Variants in MARCHF6 observed in about 807,000 individuals in gnomAD.
The protein encoded by MARCHF6 is membrane associated ring-CH-type finger 6.
A neutral mutation model predicts 133.7 loss-of-function variants in MARCHF6; 31 were observed. The observed-to-expected ratio is 0.23, with a 90% CI of 0.17 to 0.31. The LOEUF (loss-of-function observed/expected upper bound fraction) is 0.31. Ranked by LOEUF, MARCHF6 falls within the 10% of genes least tolerant of loss-of-function variation. The probability of loss-of-function intolerance (pLI) is 1.00; values close to 1 mark genes in which losing one functional copy is unlikely to be tolerated. For synonymous variants in MARCHF6, 395 were observed against 402.5 expected, an observed-to-expected ratio of 0.98 and a Z score of 0.22; for missense variants, 723 against 1,121.6, an observed-to-expected ratio of 0.64 and a Z score of 5.08.
chr5:10,361,715 G>T (rs900911741), intron 1 of MARCHF6, among the ~76,000 whole-genome samples: 5 of 152,124 alleles, frequency 3.3e-5, no homozygotes, highest in Admixed American at 6.5e-5. Context: ...AGGCTTGGAA[G>T]ACTGAAGCAT....
intron 1 of MARCHF6, among the ~76,000 whole-genome samples, chr5:10,358,031 G>C (rs2578635): frequency 2.9e-4 from 43 of 147,896 alleles, no homozygotes; most frequent in Admixed American, 2.6e-3. Flanking sequence ...GCAGTGGCGC[G>C]ATCTTGGCTC....
chr5:10,377,892 A>G lies in MARCHF6; in HGVS notation c.114A>G (p.Glu38=). The G allele has an allele frequency of 6.3e-7, 1 of 1,596,914 alleles. No homozygotes were observed. Among genetic ancestry groups the G allele is most frequent in the Non-Finnish European group, 8.6e-7 (1 of 1,164,530 alleles). The part of the protein sequence containing the change: ...CTGSIKFIHQ[E]CLVQWLKHSR... Reference sequence around the variant, plus strand: ...GCAGTATTAAGTTTATCCATCAAGAATGGTAAGTCATACTTTTAGAAAGTT... The same window carrying G: ...GCAGTATTAAGTTTATCCATCAAGAGTGGTAAGTCATACTTTTAGAAAGTT... Residue 38 remains glutamate, a splice_region_variant and synonymous_variant, in exon 2 of 26, where the codon GAA becomes GAG. Transcript: ENST00000274140.
At chr5:10,419,180 C>T (rs999232987) in intron 22 of MARCHF6, among the ~76,000 whole-genome samples, 7 of 152,112 alleles carry the variant, frequency 4.6e-5, no homozygotes, top group Admixed American at 1.3e-4. Flanking sequence ...TGGTTGAAAG[C>T]GATACACATT....
chr5:10,360,607 C>T (rs1735765682), intron 1 of MARCHF6, among the ~76,000 whole-genome samples: 1 of 152,148 alleles, frequency 6.6e-6, no homozygotes. Context: ...AAACCAATCC[C>T]CCAGGGTTAC....
intron 24 of MARCHF6, among the ~76,000 whole-genome samples, chr5:10,426,964 T>C (rs1740119184): frequency 6.6e-6 from 1 of 152,258 alleles, no homozygotes; most frequent in East Asian, 1.9e-4. Flanking sequence ...GATTGTGTAG[T>C]GAAGACTCCT....
chr5:10,373,557 C>T (rs1233705543), intron 1 of MARCHF6, among the ~76,000 whole-genome samples: 2 of 152,202 alleles, frequency 1.3e-5, no homozygotes, highest in Admixed American at 6.5e-5. Flanking sequence ...TGTCACTCCA[C>T]CTGTTGTCCT....
At chr5:10,381,063 G>A (rs898196453) in intron 3 of MARCHF6, among the ~76,000 whole-genome samples, 5 of 151,766 alleles carry the variant, frequency 3.3e-5, no homozygotes, top group South Asian at 2.1e-4. Flanking sequence ...TTCTTGTTTT[G>A]GCCTTACTGG....
At chr5:10,426,301 T>G in intron 23 of MARCHF6, 89 bp from the exon 24 acceptor site, 1 of 1,437,578 alleles carries the variant, frequency 7.0e-7, no homozygotes, top group Admixed American at 2.0e-5. Context: ...ATTTTTGGGT[T>G]GGCAGATTCA....
At chr5:10,369,333 C>T (rs780608524) in intron 1 of MARCHF6, among the ~76,000 whole-genome samples, 6 of 152,168 alleles carry the variant, frequency 3.9e-5, no homozygotes, top group Non-Finnish European at 8.8e-5. Flanking sequence ...GGATGAAAAA[C>T]GTGTGCTCAT....
At chr5:10,390,241 C>G in intron 5 of MARCHF6, 91 bp from the exon 6 acceptor site, 10 of 659,216 alleles carry the variant, frequency 1.5e-5, no homozygotes, top group East Asian at 3.5e-5. Context: ...TTTTTTTTTT[C>G]TGAGACTTTA....
At chr5:10,387,724 G>A (rs1434549589) in intron 5 of MARCHF6, among the ~76,000 whole-genome samples, 8 of 152,162 alleles carry the variant, frequency 5.3e-5, no homozygotes, top group African/African-American at 1.9e-4. Context: ...GGGGTAGGGT[G>A]CAGTGGTGTG....
chr5:10,403,321 G>A, intron 14 of MARCHF6, 86 bp from the exon 15 acceptor site: 1 of 1,347,686 alleles, frequency 7.4e-7, no homozygotes, highest in Non-Finnish European at 1.0e-6. Context: ...CATGCATATT[G>A]ATTATTTATT....
intron 22 of MARCHF6, 145 bp downstream of exon 22, chr5:10,417,549 C>T (rs1379597758): frequency 3.1e-6 from 3 of 966,912 alleles, no homozygotes; most frequent in Non-Finnish European, 4.7e-6. Flanking sequence ...AGTTCGAGAC[C>T]AGCCTGGGCA....
intron 21 of MARCHF6, among the ~76,000 whole-genome samples, chr5:10,416,324 G>A (rs868671332): frequency 6.6e-6 from 1 of 151,844 alleles, no homozygotes; most frequent in Non-Finnish European, 1.5e-5. Flanking sequence ...ATTTTTTATC[G>A]ATTTATATTT....
chr5:10,403,563 G>A, intron 15 of MARCHF6, 22 bp downstream of exon 15: 1 of 1,586,512 alleles, frequency 6.3e-7, no homozygotes, highest in Non-Finnish European at 8.6e-7. Flanking sequence ...GGGAAATGCT[G>A]ATGCTGTACA....
In MARCHF6 at chr5:10,381,728, C is replaced by T. The variant is rs555366863; in HGVS notation, c.191-72C>T. 6.9e-5 allele frequency: 82 copies of T among 1,195,676 alleles called. 2 individuals carry two copies. The South Asian group carries it at 1.2e-3, about 18-fold the overall frequency. 74.1% of individuals were successfully genotyped at this position (1,195,676 alleles called of 1,614,324 possible). ...CAAATATTGGAAGTTTAGTTAATGTCTATTTTATATTTATGAATTAAGCTA... is the reference window on the plus strand; with the variant it reads ...CAAATATTGGAAGTTTAGTTAATGTTTATTTTATATTTATGAATTAAGCTA... On this transcript the variant is annotated intron_variant, in intron 3 of 25. Coordinates refer to ENST00000274140, the MANE Select transcript of MARCHF6 (RefSeq NM_005885.4).
intron 1 of MARCHF6, among the ~76,000 whole-genome samples, chr5:10,374,415 TC>T (rs1269723310): frequency 6.6e-6 from 1 of 152,168 alleles, no homozygotes; most frequent in African/African-American, 2.4e-5. Flanking sequence ...GGGCTCTTCT[TC>T]CCTGAGTTTC....
At chr5:10,433,507 AAGT>A in intron 25 of MARCHF6, 84 bp from the exon 26 acceptor site, 2 of 1,008,688 alleles carry the variant, frequency 2.0e-6, no homozygotes, top group South Asian at 2.7e-5. Flanking sequence ...GACGAGTTTT[AAGT>A]AGGAGTTAGA....
chr5:10,407,963 C>CCG (rs1421542365), intron 17 of MARCHF6, among the ~76,000 whole-genome samples: 1 of 143,058 alleles, frequency 7.0e-6, no homozygotes, highest in Non-Finnish European at 1.5e-5. Flanking sequence ...TCCCCCCCCC[C>CCG]CCAAAAAAAA....
Sources: gnomAD v4.1 joint callset for allele counts (sites outside exome capture counted in the v4.1 genomes callset) on GRCh38, gnomAD v4.1.1 for gene constraint, MANE v1.5 for transcripts, NCBI Gene and HGNC (gene_info 2026-07-23, HGNC 2026-07-21) for gene names.